ZNF683: variants seen among roughly 807,000 people sequenced by gnomAD.
The protein encoded by ZNF683 is tissue-resident T-cell transcription regulator protein ZNF683.
Under a neutral mutation model 31.4 loss-of-function variants are expected in ZNF683, and 20 were observed. The ratio of observed to expected loss-of-function variants is 0.64; its 90% CI spans 0.45 to 0.93. The LOEUF (loss-of-function observed/expected upper bound fraction) is 0.93. ZNF683 is among the 40% of genes least tolerant of loss of function. ZNF683 has a pLI of 0.00. For missense variants in ZNF683, 621 were observed against 637.2 expected, an observed-to-expected ratio of 0.97 and a Z score of 0.27; for synonymous variants, 264 against 267.6, an observed-to-expected ratio of 0.99 and a Z score of 0.13.
At position 26,368,542 on chromosome 1, in the gene ZNF683, A is replaced by T. The variant is rs780201506; in HGVS notation, c.30T>A (p.Gly10=). The stretch of plus-strand genomic sequence containing the variant: ...CCAGGGCCATGGGCCTATGACAACA[A>T]CCTAATTGTGCAGCTGATTCTTCCT... MKEESAAQL[G]CCHRPMALGG... The change falls in exon 2 of 6, where the codon GGT becomes GGA. Residue 10 remains glycine, a synonymous_variant. Coordinates refer to ENST00000349618, the MANE Select transcript of ZNF683 (RefSeq NM_001114759.3). 13 of 1,606,274 alleles carry T rather than the reference A, an allele frequency of 8.1e-6. No individual in the cohort carries two copies. The East Asian group carries it at 2.9e-4, about 36-fold the overall frequency.
intron 5 of ZNF683, chr1:26,362,223 T>C (rs140833055): frequency 1.9e-5 from 29 of 1,543,478 alleles, no homozygotes; most frequent in Non-Finnish European, 2.2e-5. Context: ...CTTTACTCCA[T>C]GTGTGACCTT....
Position 26,364,780 on chromosome 1 carries a change from A to G in ZNF683, c.766T>C (p.Tyr256His), listed in dbSNP as rs370370311. ...CCAGAGGCTTGGAAGGCCCCTGGGT[A>G]GGGAAGCAGGGTCTCCCACCGAGCG... ...PSARWETLLP[Y>H]PGAFQASGQA... is the part of the protein sequence containing the mutation. Residue 256 changes from tyrosine to histidine, a missense_variant, in exon 4 of 6, where the codon TAC (tyrosine) becomes CAC (histidine). By Grantham distance (83) the Tyr-to-His change is moderately conservative. Coordinates refer to ENST00000349618, the MANE Select transcript of ZNF683 (RefSeq NM_001114759.3). 6.2e-7 allele frequency: 1 copy of G among 1,604,630 alleles called. No homozygotes were observed.
intron 2 of ZNF683, 111 bp downstream of exon 2, chr1:26,368,347 C>T: frequency 1.5e-6 from 2 of 1,327,934 alleles, no homozygotes; most frequent in Non-Finnish European, 2.0e-6. Context: ...AGGGGGTGCT[C>T]AGACTGGGAA....
intron 1 of ZNF683, among the ~76,000 whole-genome samples, chr1:26,369,668 C>CAACA (rs376649068): frequency 9.2e-6 from 1 of 108,682 alleles, no homozygotes; most frequent in Admixed American, 8.4e-5. Flanking sequence ...ACTTTGTCTC[C>CAACA]AAAAAAAAAA....
chr1:26,364,673 C>A lies in ZNF683; in HGVS notation c.873G>T (p.Met291Ile), dbSNP rs781453895. The change falls in exon 4 of 6, where the codon ATG (methionine) becomes ATT (isoleucine). Residue 291 changes from methionine to isoleucine, a missense_variant. By Grantham distance (10) the Met-to-Ile change is conservative. Transcript: ENST00000349618. Reference sequence around the variant, plus strand: ...ATGGGACCCGCTTTGCTGGAGATGCCATGCCACCACGCTCCAGGCCTGGGG... The same window carrying A: ...ATGGGACCCGCTTTGCTGGAGATGCAATGCCACCACGCTCCAGGCCTGGGG... ...TDSPGLERGG[M>I]ASPAKRVPLS... The A allele has an allele frequency of 1.9e-6, 3 of 1,613,910 alleles. No individual in the cohort carries two copies. The African/African-American group carries it at 4.0e-5, about 22-fold the overall frequency.
At chr1:26,367,821 T>G in intron 2 of ZNF683, 24 bp from the exon 3 acceptor site, 2 of 1,514,112 alleles carry the variant, frequency 1.3e-6, no homozygotes, top group Non-Finnish European at 1.8e-6. Flanking sequence ...GCAAGGGGCT[T>G]GGGGGCTGGT....
intron 1 of ZNF683, among the ~76,000 whole-genome samples, chr1:26,370,321 C>T (rs866125363): frequency 1.3e-5 from 2 of 152,128 alleles, no homozygotes; most frequent in Admixed American, 1.3e-4. Flanking sequence ...AGGAATAAAG[C>T]CTGAATGAGT....
In ZNF683 at chr1:26,364,969, A is replaced by G. The variant is rs750998709; in HGVS notation, c.577T>C (p.Tyr193His). ...GGCAGGAGAAGTGGGTATCCAGGGTAGAAGGCGTGGAGGAGAAATGGGAGC... is the reference window on the plus strand; with the variant it reads ...GGCAGGAGAAGTGGGTATCCAGGGTGGAAGGCGTGGAGGAGAAATGGGAGC... ...KELPFLLHAF[Y>H]PGYPLLLPPP... Residue 193 changes from tyrosine to histidine, a missense_variant, in exon 4 of 6, where the codon TAC becomes CAC. Coordinates refer to ENST00000349618, the MANE Select transcript of ZNF683 (RefSeq NM_001114759.3). The G allele has an allele frequency of 1.3e-6, 2 of 1,572,472 alleles. No homozygotes were observed. The highest frequency in any genetic ancestry group is 1.7e-6 in the Non-Finnish European group (2 of 1,162,016).
At chr1:26,365,296 C>T in intron 3 of ZNF683, 70 bp from the exon 4 acceptor site, 1 of 1,461,364 alleles carries the variant, frequency 6.8e-7, no homozygotes, top group Non-Finnish European at 9.1e-7. Flanking sequence ...ATCAAACCTG[C>T]CCTGCTCGGG....
chr1:26,368,020 C>T (rs1384684697), intron 2 of ZNF683, among the ~76,000 whole-genome samples: 2 of 152,178 alleles, frequency 1.3e-5, no homozygotes, highest in Non-Finnish European at 2.9e-5. Context: ...GTCCCCAGGG[C>T]CCTCTCTAGC....
At chr1:26,366,342 C>CAAAAAAAAAAAAAAAA (rs1173737722) in intron 3 of ZNF683, among the ~76,000 whole-genome samples, 6 of 69,002 alleles carry the variant, frequency 8.7e-5, no homozygotes, top group African/African-American at 2.8e-4. Context: ...CAGCCTATCT[C>CAAAAAAAAAAAAAAAA]AAAAAAAAAA....
At chr1:26,371,880 T>C (rs900117397) in intron 1 of ZNF683, among the ~76,000 whole-genome samples, 2 of 151,848 alleles carry the variant, frequency 1.3e-5, no homozygotes, top group Non-Finnish European at 2.9e-5. Context: ...TGCAGTGAGC[T>C]GAGATCATGC....
chr1:26,373,999 G>A (rs1388081885), upstream of ZNF683, among the ~76,000 whole-genome samples: 1 of 152,114 alleles, frequency 6.6e-6, no homozygotes, highest in East Asian at 1.9e-4. Flanking sequence ...GGCCATGTCA[G>A]CTTCCCCCAC....
chr1:26,366,498 C>T (rs1472827522), intron 3 of ZNF683, among the ~76,000 whole-genome samples: 2 of 152,008 alleles, frequency 1.3e-5, no homozygotes, highest in Non-Finnish European at 2.9e-5. Flanking sequence ...AGGGGGTCAT[C>T]GTCACATAAG....
At chr1:26,366,218 G>A (rs1451091791) in intron 3 of ZNF683, among the ~76,000 whole-genome samples, 1 of 151,702 alleles carries the variant, frequency 6.6e-6, no homozygotes, top group African/African-American at 2.4e-5. Context: ...AATTAGCTGG[G>A]TGTTTGTGGC....
chr1:26,369,840 A>G (rs553286286), intron 1 of ZNF683, among the ~76,000 whole-genome samples: 86 of 152,172 alleles, frequency 5.7e-4, no homozygotes, highest in African/African-American at 2.0e-3. Context: ...AAATAAATAA[A>G]TAAATTAGCT....
chr1:26,361,750 A>G lies in ZNF683; in HGVS notation c.1416T>C (p.Asp472=). The G allele has an allele frequency of 1.9e-6, 3 of 1,614,030 alleles. No individual in the cohort carries two copies. In the South Asian group the frequency reaches 3.3e-5, roughly 18 times the overall value. Residue 472 remains aspartate (D), a synonymous_variant, in exon 6 of 6, where the codon GAT becomes GAC. Coordinates refer to ENST00000349618, the MANE Select transcript of ZNF683 (RefSeq NM_001114759.3). ...GGGATGTCGAGGACACTTTGACCTC[A>G]TCTATGTCATAGCCCATGTGTTTCT... ...ASEKHMGYDI[D]EVKVSSTSQG... is the part of the protein sequence containing the mutation.
chr1:26,368,562 C>A lies in ZNF683; in HGVS notation c.10G>T (p.Glu4Ter), dbSNP rs773147776. MKE[E>*]SAAQLGCCHR... The stretch of plus-strand genomic sequence containing the variant: ...CAACAACCTAATTGTGCAGCTGATT[C>A]TTCCTTCATATCCCCATTACCTGCT... The change falls in exon 2 of 6, where the codon GAA becomes TAA. Residue 4 changes from glutamate to a stop codon, truncating the protein, a stop_gained. Transcript: ENST00000349618. LOFTEE classifies it high-confidence loss of function. 5 of 1,604,460 alleles carry A rather than the reference C, an allele frequency of 3.1e-6. No homozygotes were observed. The highest frequency in any genetic ancestry group is 1.3e-5 in the African/African-American group (1 of 74,622).
Position 26,370,580 on chromosome 1 carries a change from T to G in ZNF683, c.-14-1995A>C. 5.5e-6 allele frequency: 5 copies of G among 912,914 alleles called. No homozygotes were observed. The South Asian group carries it at 2.5e-4, about 46-fold the overall frequency. The allele number at this position is 912,914 out of a possible 1,614,324, so 56.6% of individuals were successfully genotyped here. On this transcript the variant is annotated intron_variant, in intron 1 of 5. Coordinates refer to ENST00000349618, the MANE Select transcript of ZNF683 (RefSeq NM_001114759.3). ...CTCAGCCCTCTAAAACCCCTTCTCC[T>G]TTCCCTCTTTCCTCACTCCTCCCAA...
Sources: gnomAD v4.1 joint callset for allele counts (sites outside exome capture counted in the v4.1 genomes callset) on GRCh38, gnomAD v4.1.1 for gene constraint, MANE v1.5 for transcripts, NCBI Gene and HGNC (gene_info 2026-07-23, HGNC 2026-07-21) for gene names.